ZNF266: variants seen among roughly 807,000 people sequenced by gnomAD.
The protein encoded by ZNF266 is zinc finger protein 1.
A neutral mutation model predicts 16.4 loss-of-function variants in ZNF266; 16 were observed. That is an observed-to-expected ratio of 0.98 (90% CI 0.66 to 1.48). The LOEUF (loss-of-function observed/expected upper bound fraction) is 1.48. Ranked by LOEUF, ZNF266 falls within the 40% of genes most tolerant of loss-of-function variation. The pLI, the probability that ZNF266 is intolerant of heterozygous loss-of-function variation, is 0.00. For missense variants in ZNF266, 738 were observed against 689.1 expected (o/e 1.07, Z -0.79); for synonymous variants, 262 against 237.9 (o/e 1.10, Z -0.93).
rs866036678 is a variant in ZNF266 at position 9,413,684 on chromosome 19, C to A, written c.1442G>T (p.Gly481Val). 3.7e-6 allele frequency: 6 copies of A among 1,614,116 alleles called. No individual in the cohort carries two copies. The highest frequency in any genetic ancestry group is 5.1e-6 in the Non-Finnish European group (6 of 1,179,988). Residue 481 changes from glycine (G) to valine (V), a missense_variant, in exon 11 of 11, where the codon GGG becomes GTG. Coordinates refer to ENST00000592904, the MANE Select transcript of ZNF266 (RefSeq NM_001370374.1). ...GEKPFECVKC[G>V]KAFAISSNLS... ...ATTTGAAGAAATAGCAAAGGCTTTC[C>A]CACATTTGACACATTCAAAAGGCTT...
At chr19:9,426,336 G>A (rs2070736405) in intron 5 of ZNF266, among the ~76,000 whole-genome samples, 1 of 151,914 alleles carries the variant, frequency 6.6e-6, no homozygotes, top group South Asian at 2.1e-4. Flanking sequence ...TTACTTAGAA[G>A]AAAAAAATAG....
Position 9,414,122 on chromosome 19 carries a change from T to C in ZNF266, c.1004A>G (p.Tyr335Cys), listed in dbSNP as rs1177818676. The C allele has an allele frequency of 6.2e-7, 1 of 1,613,416 alleles. No individual in the cohort carries two copies. The highest frequency in any genetic ancestry group is 1.3e-5 in the African/African-American group (1 of 74,768). The change falls in exon 11 of 11, where the codon TAT becomes TGT. Residue 335 changes from tyrosine to cysteine, a missense_variant. Physicochemically the swap from Tyr to Cys is radical, Grantham distance 194. Transcript: ENST00000592904. ...GGCTCTCCCACAATCCTTACATTTA[T>C]AAGGTTTCTCTCCAGTGTGAGTTTT... is the stretch of plus-strand genomic sequence containing the variant. Reference protein sequence around the residue: ...HRKTHTGEKPYKCKDCGRAFT... With the variant: ...HRKTHTGEKPCKCKDCGRAFT...
At position 9,413,574 on chromosome 19, in the gene ZNF266, G is replaced by C. The variant is rs1198889032; in HGVS notation, c.1552C>G (p.Leu518Val). ...CTGTGGGTCCGCATGTGATTATTAA[G>C]ACTGGAGGAATGCGTAAATGCTTTA... ...CGKAFTHSSS[L>V]NNHMRTHSAK... The change falls in exon 11 of 11, where the codon CTT (leucine) becomes GTT (valine). Residue 518 changes from leucine to valine, a missense_variant. Physicochemically the swap from Leu to Val is conservative, Grantham distance 32. Coordinates refer to ENST00000592904, the MANE Select transcript of ZNF266 (RefSeq NM_001370374.1). 6.2e-7 allele frequency: 1 copy of C among 1,614,006 alleles called. No homozygotes were observed. Among genetic ancestry groups the C allele is most frequent in the East Asian group, 2.2e-5 (1 of 44,892 alleles).
chr19:9,422,239 C>T (rs981272358), intron 5 of ZNF266, among the ~76,000 whole-genome samples: 4 of 152,158 alleles, frequency 2.6e-5, no homozygotes, highest in Admixed American at 2.0e-4. Context: ...ACTTGCTTTT[C>T]TTTGTGGAGT....
At chr19:9,416,219 G>A (rs2068953364) in intron 9 of ZNF266, among the ~76,000 whole-genome samples, 1 of 152,026 alleles carries the variant, frequency 6.6e-6, no homozygotes, top group Non-Finnish European at 1.5e-5. Flanking sequence ...TAAGGATATA[G>A]CGTCAAAATT....
Position 9,412,774 on chromosome 19 carries a change from C to T in ZNF266, c.*501G>A, listed in dbSNP as rs1665069373. The stretch of plus-strand genomic sequence containing the variant: ...TCCACACAGTCTTCTCCATGTGTAT[C>T]CTTCCTTCAGTTTCCCTTATAGGGA... On this transcript the variant is annotated 3_prime_UTR_variant, in exon 11 of 11. Coordinates refer to ENST00000592904, the MANE Select transcript of ZNF266 (RefSeq NM_001370374.1). 1 of 154,738 alleles carries T rather than the reference C, an allele frequency of 6.5e-6. No homozygotes were observed. The highest frequency in any genetic ancestry group is 1.4e-5 in the Non-Finnish European group (1 of 69,790). The allele number at this position is 154,738 out of a possible 1,614,324, so 9.6% of individuals were successfully genotyped here.
intron 8 of ZNF266, 40 bp from the exon 9 acceptor site, chr19:9,417,948 G>A: frequency 6.4e-7 from 1 of 1,573,744 alleles, no homozygotes. Flanking sequence ...AGAGGCTCAT[G>A]CAAGAGATGA....
At chr19:9,418,751 T>C in intron 7 of ZNF266, 120 bp from the exon 8 acceptor site, 1 of 596,272 alleles carries the variant, frequency 1.7e-6, no homozygotes, top group East Asian at 2.9e-5. Context: ...GTCCTCTCTA[T>C]CCACACTCAC....
Position 9,435,132 on chromosome 19 carries a change from A to T in ZNF266, c.-496T>A, listed in dbSNP as rs1393100850. 2 of 134,670 alleles carry T rather than the reference A, an allele frequency of 1.5e-5. No homozygotes were observed. The highest frequency in any genetic ancestry group is 5.8e-5 in the African/African-American group (2 of 34,260). 8.3% of individuals were successfully genotyped at this position (134,670 alleles called of 1,614,324 possible). A position where few individuals can be genotyped will look rare whatever the true frequency, so the allele number is the denominator to read the frequency against. On this transcript the variant is annotated 5_prime_UTR_variant, in exon 2 of 11. Transcript: ENST00000592904. ...CCGCGACGAGCTGGACTCGCCAGGT[A>T]CGGGAGATTGGGGGGATGAAGGACC...
Position 9,418,584 on chromosome 19 carries a change from T to C in ZNF266, c.156A>G (p.Glu52=). Residue 52 remains glutamate, a synonymous_variant, in exon 8 of 11, where the codon GAA becomes GAG. Transcript: ENST00000592904. The part of the protein sequence containing the change: ...DDLAVDFTPE[E]WTLLDPTQRN... Reference sequence around the variant, plus strand: ...TCTGAGTTGGGTCCAGTAAAGTCCATTCTTCTGGGGTGAAGTCCACAGCCA... The same window carrying C: ...TCTGAGTTGGGTCCAGTAAAGTCCACTCTTCTGGGGTGAAGTCCACAGCCA... 1.2e-6 allele frequency: 2 copies of C among 1,603,560 alleles called. No individual in the cohort carries two copies. Among genetic ancestry groups the C allele is most frequent in the Non-Finnish European group, 1.7e-6 (2 of 1,170,346 alleles).
At chr19:9,425,402 C>T (rs939296935) in intron 5 of ZNF266, among the ~76,000 whole-genome samples, 2 of 152,104 alleles carry the variant, frequency 1.3e-5, no homozygotes, top group Non-Finnish European at 2.9e-5. Context: ...ACATCTTGCC[C>T]GCCCAACACA....
At chr19:9,429,606 T>A (rs1249349036) in intron 5 of ZNF266, among the ~76,000 whole-genome samples, 1 of 152,098 alleles carries the variant, frequency 6.6e-6, no homozygotes, top group Non-Finnish European at 1.5e-5. Flanking sequence ...ATGGTGGAGA[T>A]GACTCCACCA....
At chr19:9,426,095 TCTG>T (rs1484350413) in intron 5 of ZNF266, among the ~76,000 whole-genome samples, 1 of 151,872 alleles carries the variant, frequency 6.6e-6, no homozygotes, top group African/African-American at 2.4e-5. Flanking sequence ...GCTGTTGGGG[TCTG>T]CTATCCCCAG....
intron 5 of ZNF266, among the ~76,000 whole-genome samples, chr19:9,422,208 A>G (rs1297107677): frequency 1.3e-5 from 2 of 152,150 alleles, no homozygotes; most frequent in African/African-American, 4.8e-5. Context: ...ATGTTCTTGG[A>G]TGATGCTGGG....
intron 3 of ZNF266, 43 bp from the exon 4 acceptor site, chr19:9,434,278 T>C (rs1198674532): frequency 6.6e-6 from 1 of 152,194 alleles, no homozygotes; most frequent in African/African-American, 2.4e-5. Flanking sequence ...GTCCTCTACT[T>C]TACTTACAGA....
intron 5 of ZNF266, among the ~76,000 whole-genome samples, chr19:9,426,786 A>G (rs2070808545): frequency 6.6e-6 from 1 of 152,174 alleles, no homozygotes; most frequent in African/African-American, 2.4e-5. Context: ...CTAAATTCAA[A>G]CATTGTGCTC....
At position 9,413,325 on chromosome 19, in the gene ZNF266, A is replaced by C. The variant is rs1018979737; in HGVS notation, c.1801T>G (p.Ser601Ala). The change falls in exon 11 of 11, where the codon TCC becomes GCC. Residue 601 changes from serine to alanine, a missense_variant. Coordinates refer to ENST00000592904, the MANE Select transcript of ZNF266 (RefSeq NM_001370374.1). The part of the protein sequence containing the change: ...ECGKAFSSSS[S>A]FRNHERRHAD... Reference sequence around the variant, plus strand: ...TGCCTTCTTTCATGATTTCGAAAGGAACTGGAAGAACTGAAGGCTTTCCCG... The same window carrying C: ...TGCCTTCTTTCATGATTTCGAAAGGCACTGGAAGAACTGAAGGCTTTCCCG... 1 of 1,609,468 alleles carries C rather than the reference A, an allele frequency of 6.2e-7. No homozygotes were observed. The highest frequency in any genetic ancestry group is 8.5e-7 in the Non-Finnish European group (1 of 1,177,572).
Position 9,414,495 on chromosome 19 carries a change from C to T in ZNF266, c.631G>A (p.Val211Ile). 1 of 1,614,206 alleles carries T rather than the reference C, an allele frequency of 6.2e-7. No individual in the cohort carries two copies. The highest frequency in any genetic ancestry group is 8.5e-7 in the Non-Finnish European group (1 of 1,180,020). ...CCTGTGCACGTTCTCTGGCAAACAA[C>T]ATCTGGGTTCAGGCTGAAGGCTTTT... ...CGKAFSLNPD[V>I]VCQRTCTGEK... is the part of the protein sequence containing the mutation. The change falls in exon 11 of 11, where the codon GTT (valine) becomes ATT (isoleucine). Residue 211 changes from valine (V) to isoleucine (I), a missense_variant. By Grantham distance (29) the Val-to-Ile change is conservative (BLOSUM62 3). Transcript: ENST00000592904.
At position 9,412,950 on chromosome 19, in the gene ZNF266, C is replaced by T. The variant is rs1254982302; in HGVS notation, c.*325G>A. ...GAGTGGGGCATCATCCAGACCATAC[C>T]ATTTAAATTGCAGGGTTTCTCTCCA... is the stretch of plus-strand genomic sequence containing the variant. On this transcript the variant is annotated 3_prime_UTR_variant, in exon 11 of 11. Coordinates refer to ENST00000592904, the MANE Select transcript of ZNF266 (RefSeq NM_001370374.1). 3.2e-6 allele frequency: 1 copy of T among 314,776 alleles called. No individual in the cohort carries two copies. The highest frequency in any genetic ancestry group is 6.6e-5 in the East Asian group (1 of 15,196). 19.5% of individuals were successfully genotyped at this position (314,776 alleles called of 1,614,324 possible). A position where few individuals can be genotyped will look rare whatever the true frequency, so the allele number is the denominator to read the frequency against.
Sources: gnomAD v4.1 joint callset for allele counts (sites outside exome capture counted in the v4.1 genomes callset) on GRCh38, gnomAD v4.1.1 for gene constraint, MANE v1.5 for transcripts, NCBI Gene and HGNC (gene_info 2026-07-23, HGNC 2026-07-21) for gene names.